Variants in ELAVL2 observed in about 807,000 individuals in gnomAD.
ELAVL2 encodes ELAV-like protein 2.
In ELAVL2, 4 loss-of-function variants were observed where a neutral mutation model predicts 34.6. That is an observed-to-expected ratio of 0.12 (90% CI 0.06 to 0.26). The LOEUF is 0.26. ELAVL2 is among the 10% of genes least tolerant of loss of function. ELAVL2 has a pLI of 1.00. For synonymous variants in ELAVL2, 193 were observed against 154.8 expected (o/e 1.25, Z -1.83); for missense variants, 432 against 442.8 (o/e 0.98, Z 0.22).
At chr9:23,748,139 TTGACTGTTATATTGA>T (rs2050966497) in intron 2 of ELAVL2, among the ~76,000 whole-genome samples, 1 of 149,698 alleles carries the variant, frequency 6.7e-6, no homozygotes, top group Non-Finnish European at 1.5e-5. Flanking sequence ...GGTTGGGTGG[TTGACTGTTATATTGA>T]TGGGGGGCTT....
intron 1 of ELAVL2, 41 bp from the exon 2 acceptor site, chr9:23,762,290 C>G: frequency 1.2e-6 from 2 of 1,605,184 alleles, no homozygotes; most frequent in Non-Finnish European, 1.7e-6. Context: ...ATTCATATTT[C>G]ACAACCTATT....
intron 3 of ELAVL2, among the ~76,000 whole-genome samples, chr9:23,715,541 C>G (rs781592609): frequency 6.6e-6 from 1 of 152,206 alleles, no homozygotes. Context: ...CTGAAAACAA[C>G]GCAGGCTAAA....
intron 1 of ELAVL2, among the ~76,000 whole-genome samples, chr9:23,784,396 G>A (rs1382880555): frequency 6.6e-6 from 1 of 152,190 alleles, no homozygotes; most frequent in Non-Finnish European, 1.5e-5. Flanking sequence ...GCCTTCTGCA[G>A]ATTAAGTGAC....
At chr9:23,832,104 C>G in the ELAVL2 span, 1 of 152,108 alleles carries the variant, frequency 6.6e-6, no homozygotes, top group African/African-American at 2.4e-5. Context: ...TAAAGTTTTC[C>G]TTTCATTGTA....
intron 2 of ELAVL2, among the ~76,000 whole-genome samples, chr9:23,757,740 C>A (rs527947414): frequency 1.3e-5 from 2 of 151,932 alleles, no homozygotes; most frequent in East Asian, 3.9e-4. Flanking sequence ...CCCAAAGAGA[C>A]GGACCTGACA....
intron 2 of ELAVL2, among the ~76,000 whole-genome samples, chr9:23,744,185 A>C (rs2049953391): frequency 6.6e-6 from 1 of 152,080 alleles, no homozygotes; most frequent in Non-Finnish European, 1.5e-5. Flanking sequence ...GCTCGCCCCC[A>C]CCTATTATTC....
At chr9:23,765,125 GTA>G (rs1039215764) in intron 1 of ELAVL2, 3 of 1,570,536 alleles carry the variant, frequency 1.9e-6, no homozygotes, top group Non-Finnish European at 2.6e-6. Flanking sequence ...AAAAAGTACC[GTA>G]TGTTAGATGA....
At chr9:23,807,305 C>G (rs996127280) in intron 1 of ELAVL2, among the ~76,000 whole-genome samples, 1 of 152,088 alleles carries the variant, frequency 6.6e-6, no homozygotes, top group African/African-American at 2.4e-5. Flanking sequence ...GGAAACTAGC[C>G]AGATGGAAAA....
At chr9:23,780,012 A>C (rs1218377111) in intron 1 of ELAVL2, among the ~76,000 whole-genome samples, 20 of 94,338 alleles carry the variant, frequency 2.1e-4, no homozygotes, top group Admixed American at 2.6e-4. Flanking sequence ...AAAAAAAAAA[A>C]AAAAAAAAAA....
chr9:23,730,293 G>T (rs2046224179), intron 3 of ELAVL2, among the ~76,000 whole-genome samples: 1 of 152,088 alleles, frequency 6.6e-6, no homozygotes. Context: ...AAGCAGCAAA[G>T]TATGTACAAA....
intron 2 of ELAVL2, among the ~76,000 whole-genome samples, chr9:23,741,121 A>T (rs898618659): frequency 6.6e-6 from 1 of 152,216 alleles, no homozygotes; most frequent in African/African-American, 2.4e-5. Context: ...AGAACTCTTT[A>T]GTGTGTCAAA....
At chr9:23,714,219 A>G (rs931456945) in intron 3 of ELAVL2, among the ~76,000 whole-genome samples, 3 of 152,162 alleles carry the variant, frequency 2.0e-5, no homozygotes, top group Non-Finnish European at 2.9e-5. Context: ...ATCATCCCCA[A>G]TTTATGGAAC....
intron 1 of ELAVL2, among the ~76,000 whole-genome samples, chr9:23,768,638 T>C (rs931107696): frequency 1.3e-5 from 2 of 152,072 alleles, no homozygotes; most frequent in Non-Finnish European, 2.9e-5. Flanking sequence ...TCCTATTATA[T>C]GGTAAAAGGA....
chr9:23,763,488 T>G (rs1464921286), intron 1 of ELAVL2, among the ~76,000 whole-genome samples: 4 of 152,052 alleles, frequency 2.6e-5, no homozygotes, highest in African/African-American at 9.7e-5. Context: ...TTCTCAAAAC[T>G]GACAATTCTG....
the ELAVL2 span, among the ~76,000 whole-genome samples, chr9:23,843,143 G>A: frequency 6.6e-6 from 1 of 152,158 alleles, no homozygotes; most frequent in East Asian, 1.9e-4. Context: ...AGCTGGATTG[G>A]GCAAGCCTAC....
chr9:23,751,025 C>G (rs988109411), intron 2 of ELAVL2, among the ~76,000 whole-genome samples: 2 of 152,034 alleles, frequency 1.3e-5, no homozygotes, highest in African/African-American at 4.8e-5. Context: ...GTCCAAAGGT[C>G]AAACAGGTTG....
intron 1 of ELAVL2, among the ~76,000 whole-genome samples, chr9:23,825,316 C>T (rs1046823100): frequency 2.6e-5 from 4 of 152,130 alleles, no homozygotes; most frequent in African/African-American, 9.7e-5. Flanking sequence ...TCTGGCAATC[C>T]CATCTCCCCA....
chr9:23,755,650 G>C (rs1269757273), intron 2 of ELAVL2, among the ~76,000 whole-genome samples: 1 of 152,118 alleles, frequency 6.6e-6, no homozygotes, highest in African/African-American at 2.4e-5. Context: ...TCTAAAAATA[G>C]ATTCAAATGT....
chr9:23,790,512 A>C (rs543033649), intron 1 of ELAVL2, among the ~76,000 whole-genome samples: 5 of 152,310 alleles, frequency 3.3e-5, no homozygotes, highest in Middle Eastern at 3.4e-3. Flanking sequence ...AACTTGAAGG[A>C]AGTGAAATAG....
Sources: allele counts gnomAD v4.1 joint callset (sites outside exome capture counted in the v4.1 genomes callset), GRCh38; gene constraint gnomAD v4.1.1; transcripts MANE v1.5; gene names NCBI Gene and HGNC (gene_info 2026-07-23, HGNC 2026-07-21).